ANKRD13C: variants seen among roughly 807,000 people sequenced by gnomAD.
The protein encoded by ANKRD13C is ankyrin repeat domain 13C.
ANKRD13C carries 16 observed loss-of-function variants against 65.5 expected under a neutral mutation model. The observed-to-expected ratio is 0.24, with a 90% CI of 0.17 to 0.37. The LOEUF is 0.37. Among genes scored for constraint, ANKRD13C ranks in the 10% least tolerant of loss-of-function variants. The probability of loss-of-function intolerance (pLI) is 1.00; values close to 1 mark genes in which losing one functional copy is unlikely to be tolerated. For synonymous variants in ANKRD13C, 235 were observed against 238.7 expected (o/e 0.98, Z 0.14); for missense variants, 503 against 655.9 (o/e 0.77, Z 2.55).
At chr1:70,292,968 A>G (rs142771674) in intron 8 of ANKRD13C, among the ~76,000 whole-genome samples, 74 of 152,338 alleles carry the variant, frequency 4.9e-4, no homozygotes, top group African/African-American at 1.7e-3. Context: ...GATAGAAAAA[A>G]AGTGGAATAA....
intron 3 of ANKRD13C, among the ~76,000 whole-genome samples, chr1:70,317,194 A>G (rs1681107648): frequency 6.6e-6 from 1 of 152,214 alleles, no homozygotes; most frequent in Non-Finnish European, 1.5e-5. Flanking sequence ...CAAAAATCAA[A>G]GAACAATGCT....
At chr1:70,338,375 A>G (rs1682151707) in intron 1 of ANKRD13C, among the ~76,000 whole-genome samples, 1 of 152,144 alleles carries the variant, frequency 6.6e-6, no homozygotes. Context: ...GTTCAGTTCA[A>G]ATAAAATGAA....
chr1:70,277,085 A>G (rs1248566861), intron 9 of ANKRD13C, among the ~76,000 whole-genome samples: 1 of 152,156 alleles, frequency 6.6e-6, no homozygotes, highest in South Asian at 2.1e-4. Context: ...AATAACACCC[A>G]TTCAGTCAAT....
At chr1:70,325,340 T>C (rs537816592) in intron 2 of ANKRD13C, among the ~76,000 whole-genome samples, 1 of 152,230 alleles carries the variant, frequency 6.6e-6, no homozygotes, top group African/African-American at 2.4e-5. Context: ...TGTGTGTCCA[T>C]AATGTCAAAT....
At chr1:70,299,331 GC>G (rs1474654844) in intron 7 of ANKRD13C, among the ~76,000 whole-genome samples, 1 of 152,202 alleles carries the variant, frequency 6.6e-6, no homozygotes, top group African/African-American at 2.4e-5. Context: ...AAGGAACCAT[GC>G]CGTGCTAAGG....
At chr1:70,310,435 T>C (rs899942002) in intron 5 of ANKRD13C, among the ~76,000 whole-genome samples, 2 of 152,234 alleles carry the variant, frequency 1.3e-5, no homozygotes, top group African/African-American at 4.8e-5. Context: ...ATAGTTGTGA[T>C]GTTAAATCAC....
chr1:70,340,733 C>T (rs1350729708), intron 1 of ANKRD13C, among the ~76,000 whole-genome samples: 1 of 152,166 alleles, frequency 6.6e-6, no homozygotes, highest in Non-Finnish European at 1.5e-5. Context: ...TGCAATCAAA[C>T]TTAAAATTTT....
chr1:70,288,712 T>G (rs1243887756), intron 9 of ANKRD13C, among the ~76,000 whole-genome samples: 2 of 152,232 alleles, frequency 1.3e-5, no homozygotes, highest in East Asian at 1.9e-4. Flanking sequence ...AAGAACAGAT[T>G]AGTGATTGCC....
At chr1:70,347,601 A>G (rs1196621922) in intron 1 of ANKRD13C, among the ~76,000 whole-genome samples, 1 of 152,170 alleles carries the variant, frequency 6.6e-6, no homozygotes, top group Non-Finnish European at 1.5e-5. Flanking sequence ...CTTTTAAGAC[A>G]TAGCTCTGCA....
chr1:70,311,625 C>A (rs1294930342), intron 5 of ANKRD13C, among the ~76,000 whole-genome samples: 1 of 152,018 alleles, frequency 6.6e-6, no homozygotes, highest in African/African-American at 2.4e-5. Flanking sequence ...AGTAGTCATA[C>A]GAAATGTTAA....
intron 2 of ANKRD13C, among the ~76,000 whole-genome samples, chr1:70,330,935 T>C (rs1389941909): frequency 1.3e-5 from 2 of 152,184 alleles, no homozygotes; most frequent in African/African-American, 2.4e-5. Context: ...AAATCCACAG[T>C]TCAATAACCT....
At chr1:70,272,227 ATTTCT>A (rs1292760496) in intron 11 of ANKRD13C, among the ~76,000 whole-genome samples, 1 of 135,836 alleles carries the variant, frequency 7.4e-6, no homozygotes, top group Non-Finnish European at 1.6e-5. Flanking sequence ...TGTGTTCTCT[ATTTCT>A]TTTTTTTTTT....
At chr1:70,292,194 C>T in intron 9 of ANKRD13C, 194 bp downstream of exon 9, 1 of 417,362 alleles carries the variant, frequency 2.4e-6, no homozygotes, top group Non-Finnish European at 4.2e-6. Context: ...AGTACAGATT[C>T]ACAAAAAAAT....
At chr1:70,326,231 C>CAAAAAAAAAA (rs59618915) in intron 2 of ANKRD13C, among the ~76,000 whole-genome samples, 1 of 31,092 alleles carries the variant, frequency 3.2e-5, no homozygotes, top group African/African-American at 1.0e-4. Context: ...AACTCTGTCT[C>CAAAAAAAAAA]AAAAAAAAAA....
chr1:70,273,587 T>C (rs1299577583), intron 11 of ANKRD13C, among the ~76,000 whole-genome samples: 1 of 152,106 alleles, frequency 6.6e-6, no homozygotes, highest in Non-Finnish European at 1.5e-5. Context: ...AACAACAGTA[T>C]ATCAACACTA....
chr1:70,332,606 C>A (rs1029922940), intron 2 of ANKRD13C, among the ~76,000 whole-genome samples: 1 of 152,074 alleles, frequency 6.6e-6, no homozygotes, highest in East Asian at 1.9e-4. Flanking sequence ...GTTGGGATTA[C>A]AGGCATGTGC....
chr1:70,325,878 CAAAAT>C (rs1438056214), intron 2 of ANKRD13C, among the ~76,000 whole-genome samples: 4 of 150,490 alleles, frequency 2.7e-5, no homozygotes, highest in Non-Finnish European at 4.4e-5. Flanking sequence ...GATTCCATCT[CAAAAT>C]AAAATAAAAT....
At chr1:70,298,675 GTTGTCAT>G (rs1428738965) in intron 7 of ANKRD13C, among the ~76,000 whole-genome samples, 2 of 152,080 alleles carry the variant, frequency 1.3e-5, no homozygotes, top group African/African-American at 4.8e-5. Context: ...TGGCTATCCT[GTTGTCAT>G]TTCATAAGTA....
intron 2 of ANKRD13C, among the ~76,000 whole-genome samples, chr1:70,329,210 A>T (rs1328919293): frequency 6.6e-6 from 1 of 152,204 alleles, no homozygotes; most frequent in Non-Finnish European, 1.5e-5. Flanking sequence ...TTCAACATGC[A>T]TGTATTAGTA....
Sources: gnomAD v4.1 joint callset for allele counts (sites outside exome capture counted in the v4.1 genomes callset) on GRCh38, gnomAD v4.1.1 for gene constraint, MANE v1.5 for transcripts, NCBI Gene and HGNC (gene_info 2026-07-23, HGNC 2026-07-21) for gene names.